The following RHEX variants were observed in gnomAD, a reference collection of about 807,000 sequenced individuals.
RHEX encodes regulator of hemoglobinization and erythroid cell expansion protein.
A neutral mutation model predicts 20.1 loss-of-function variants in RHEX; 18 were observed. The ratio of observed to expected loss-of-function variants is 0.90; its 90% confidence interval spans 0.62 to 1.33. RHEX has a LOEUF of 1.33. Among genes scored for constraint, RHEX ranks in the 40% most tolerant of loss-of-function variants. The pLI is 0.00. For synonymous variants in RHEX, 87 were observed against 77.1 expected, an observed-to-expected ratio of 1.13 and a Z score of -0.67; for missense variants, 192 against 214.3, an observed-to-expected ratio of 0.90 and a Z score of 0.65.
chr1:206,064,120 C>T (rs544131491), intron 1 of RHEX, among the ~76,000 whole-genome samples: 2 of 147,370 alleles, frequency 1.4e-5, no homozygotes, highest in East Asian at 2.0e-4. Context: ...TCTGCCCGGC[C>T]GCCCCGTCTG....
chr1:206,057,485 G>C (rs183307332), intron 1 of RHEX, among the ~76,000 whole-genome samples: 1 of 152,266 alleles, frequency 6.6e-6, no homozygotes, highest in Non-Finnish European at 1.5e-5. Context: ...ACATGGTGGA[G>C]TTCCAATTAC....
At chr1:206,059,471 T>TC (rs553450327) in intron 1 of RHEX, among the ~76,000 whole-genome samples, 17 of 152,082 alleles carry the variant, frequency 1.1e-4, no homozygotes, top group Admixed American at 2.0e-4. Flanking sequence ...TCCAATGGGT[T>TC]CCCCCCACCC....
chr1:206,097,857 G>A lies in RHEX; in HGVS notation c.11+18G>A. 6.4e-7 allele frequency: 1 copy of A among 1,560,692 alleles called. No homozygotes were observed. Among genetic ancestry groups the A allele is most frequent in the Non-Finnish European group, 8.8e-7 (1 of 1,130,956 alleles). ...CTGACAGAGTGAGTGGGCCCAACAAGAGCAGGAGCAAGGTTCCCACCAAGC... is the reference window on the plus strand; with the variant it reads ...CTGACAGAGTGAGTGGGCCCAACAAAAGCAGGAGCAAGGTTCCCACCAAGC... On this transcript the variant is annotated intron_variant, in intron 2 of 5. Coordinates refer to ENST00000331555, the MANE Select transcript of RHEX (RefSeq NM_001007544.4).
At chr1:206,089,253 G>A (rs1662899675) in intron 1 of RHEX, among the ~76,000 whole-genome samples, 1 of 151,628 alleles carries the variant, frequency 6.6e-6, no homozygotes, top group African/African-American at 2.4e-5. Flanking sequence ...ATGTTGCCCA[G>A]GCTGGTCTCA....
chr1:206,079,314 G>C (rs1182348471), intron 1 of RHEX, among the ~76,000 whole-genome samples: 2 of 152,152 alleles, frequency 1.3e-5, no homozygotes, highest in African/African-American at 4.8e-5. Flanking sequence ...GCTGCTAGTG[G>C]TGTAGTAAAA....
intron 1 of RHEX, among the ~76,000 whole-genome samples, chr1:206,094,758 G>A (rs998231285): frequency 2.0e-5 from 3 of 152,080 alleles, no homozygotes; most frequent in African/African-American, 7.2e-5. Context: ...CTCTGTCACC[G>A]GGCTCTTCTC....
chr1:206,069,543 G>A (rs782701210), intron 1 of RHEX, among the ~76,000 whole-genome samples: 1 of 152,184 alleles, frequency 6.6e-6, no homozygotes, highest in Non-Finnish European at 1.5e-5. Context: ...CATCCTGGTT[G>A]GCCTGGGACT....
intron 1 of RHEX, among the ~76,000 whole-genome samples, chr1:206,063,805 G>A (rs1162588429): frequency 3.3e-5 from 5 of 151,870 alleles, no homozygotes; most frequent in Non-Finnish European, 5.9e-5. Context: ...GCCTCTGCCC[G>A]GCCGCCACCC....
chr1:206,071,121 C>A (rs1411006428), intron 1 of RHEX, among the ~76,000 whole-genome samples: 2 of 152,122 alleles, frequency 1.3e-5, no homozygotes, highest in Non-Finnish European at 2.9e-5. Context: ...GTAGGGAAGC[C>A]AACAGTGCAG....
In RHEX at chr1:206,060,052, A is replaced by G. The variant is rs549939573; in HGVS notation, c.-97+6787A>G. 5.9e-5 allele frequency among the ~76,000 whole-genome samples: 9 copies of G among 152,242 alleles called. No homozygotes were observed. The East Asian group carries it at 1.7e-3, about 30-fold the overall frequency. On this transcript the variant is annotated intron_variant, in intron 1 of 5. Transcript: ENST00000331555. The stretch of plus-strand genomic sequence containing the variant: ...AAGAATGGTAGAGCTCTGGAGTGAA[A>G]CAATCACATGGAGGCAGCAGAATAT...
intron 1 of RHEX, among the ~76,000 whole-genome samples, chr1:206,078,000 T>C (rs1443360696): frequency 1.3e-5 from 2 of 152,208 alleles, no homozygotes; most frequent in Non-Finnish European, 2.9e-5. Context: ...TTTCTGAGGT[T>C]TCGCTGTACA....
Position 206,077,606 on chromosome 1 carries a change from TA to T in RHEX, c.-96-20126del, listed in dbSNP as rs1165042921. On this transcript the variant is annotated intron_variant, in intron 1 of 5. Transcript: ENST00000331555. ...GGTTAACCTAGTGAGACTTTGTCTC[TA>T]CAAAAAATTAAAAAGTTAGCAGGGC... is the stretch of plus-strand genomic sequence containing the variant. Among the ~76,000 whole-genome samples, 3 of 152,120 alleles carry T rather than the reference TA, an allele frequency of 2.0e-5. No homozygotes were observed. In the East Asian group the frequency reaches 5.8e-4, roughly 29 times the overall value.
intron 1 of RHEX, among the ~76,000 whole-genome samples, chr1:206,088,792 TTC>T (rs1662890493): frequency 6.6e-6 from 1 of 152,178 alleles, no homozygotes; most frequent in Non-Finnish European, 1.5e-5. Flanking sequence ...ACCCAGAGTT[TTC>T]TCTCTTTATA....
intron 1 of RHEX, among the ~76,000 whole-genome samples, chr1:206,093,605 T>C (rs1663004198): frequency 6.6e-6 from 1 of 152,122 alleles, no homozygotes; most frequent in African/African-American, 2.4e-5. Flanking sequence ...CATCTTCTAT[T>C]GTGATCTTGT....
chr1:206,100,084 A>G (rs1663157958), intron 4 of RHEX, among the ~76,000 whole-genome samples: 1 of 152,194 alleles, frequency 6.6e-6, no homozygotes, highest in African/African-American at 2.4e-5. Context: ...TTCTCTTTGT[A>G]AAGCCATGGC....
At chr1:206,071,859 CAAAAAA>C (rs1245558004) in intron 1 of RHEX, among the ~76,000 whole-genome samples, 1 of 47,322 alleles carries the variant, frequency 2.1e-5, no homozygotes, top group African/African-American at 7.4e-5. Flanking sequence ...TCCAACAACT[CAAAAAA>C]AAAAAAAAAA....
At chr1:206,064,751 C>T (rs1662389725) in intron 1 of RHEX, among the ~76,000 whole-genome samples, 1 of 151,758 alleles carries the variant, frequency 6.6e-6, no homozygotes, top group Non-Finnish European at 1.5e-5. Context: ...CCCCTCTGCC[C>T]GGCCACCGCC....
intron 1 of RHEX, among the ~76,000 whole-genome samples, chr1:206,095,974 C>T (rs145288167): frequency 0.013 from 1,961 of 152,156 alleles, 54 homozygotes; most frequent in Admixed American, 0.071. Context: ...ACTATAGGCA[C>T]GTGCCAGGCA....
chr1:206,082,870 T>C (rs1662765433), intron 1 of RHEX, among the ~76,000 whole-genome samples: 1 of 152,194 alleles, frequency 6.6e-6, no homozygotes, highest in South Asian at 2.1e-4. Flanking sequence ...GTTTTATATC[T>C]GGGTCATTTT....
Sources: gnomAD v4.1 joint callset for allele counts (sites outside exome capture counted in the v4.1 genomes callset) on GRCh38, gnomAD v4.1.1 for gene constraint, MANE v1.5 for transcripts, NCBI Gene and HGNC (gene_info 2026-07-23, HGNC 2026-07-21) for gene names.